The following SLC9A9 variants were observed in gnomAD, a reference collection of about 807,000 sequenced individuals.
SLC9A9 encodes the protein sodium/hydrogen exchanger 9.
A neutral mutation model predicts 77.8 loss-of-function variants in SLC9A9; 62 were observed. The observed-to-expected ratio is 0.80, with a 90% CI of 0.65 to 0.98. The LOEUF (loss-of-function observed/expected upper bound fraction) is 0.98, where lower values mean the gene tolerates loss of function less well. SLC9A9 is among the 50% of genes least tolerant of loss of function. SLC9A9 has a pLI of 0.00. For synonymous variants in SLC9A9, 320 were observed against 283.5 expected, an observed-to-expected ratio of 1.13 and a Z score of -1.29; for missense variants, 775 against 774.9, an observed-to-expected ratio of 1.00 and a Z score of 0.00.
chr3:143,292,948 ATTAC>A (rs2030079965), intron 14 of SLC9A9, among the ~76,000 whole-genome samples: 1 of 152,114 alleles, frequency 6.6e-6, no homozygotes, highest in Non-Finnish European at 1.5e-5. Flanking sequence ...AAAGACACTA[ATTAC>A]ACTAAGGCTC....
At chr3:143,389,322 C>T (rs184213444) in intron 12 of SLC9A9, among the ~76,000 whole-genome samples, 4 of 152,044 alleles carry the variant, frequency 2.6e-5, no homozygotes, top group South Asian at 2.1e-4. Flanking sequence ...ATGGTCCAAC[C>T]AAGAGTTCAT....
At chr3:143,451,810 A>T (rs2035013162) in intron 12 of SLC9A9, among the ~76,000 whole-genome samples, 1 of 152,176 alleles carries the variant, frequency 6.6e-6, no homozygotes, top group Admixed American at 6.5e-5. Flanking sequence ...AAGACATATC[A>T]GAGTAACGCA....
intron 6 of SLC9A9, among the ~76,000 whole-genome samples, chr3:143,610,457 T>C (rs2038006884): frequency 6.6e-6 from 1 of 152,226 alleles, no homozygotes. Context: ...CACATTTCTA[T>C]TCTTGAATGC....
chr3:143,381,989 C>CAAA, intron 13 of SLC9A9, 71 bp downstream of exon 13: 5 of 1,573,714 alleles, frequency 3.2e-6, no homozygotes, highest in Non-Finnish European at 4.4e-6. Context: ...ACATGCTGGA[C>CAAA]AAACATGGAA....
chr3:143,835,711 G>C (rs2009551390), intron 1 of SLC9A9, among the ~76,000 whole-genome samples: 1 of 152,218 alleles, frequency 6.6e-6, no homozygotes, highest in East Asian at 1.9e-4. Flanking sequence ...ACAGAAGAAG[G>C]AAAGAGGAGA....
rs371861084 is a variant in SLC9A9 at position 143,599,520 on chromosome 3, C to T, written c.756-20797G>A. On this transcript the variant is annotated intron_variant, in intron 6 of 15. Transcript: ENST00000316549. The stretch of plus-strand genomic sequence containing the variant: ...TGACCTACACATAATCCACAGAAGC[C>T]GTGGGGCTTTATGAGCACAACAATT... Among the ~76,000 whole-genome samples, 16 of 152,086 alleles carry T rather than the reference C, an allele frequency of 1.1e-4. No individual in the cohort carries two copies. In the East Asian group the frequency reaches 2.3e-3, roughly 22 times the overall value.
In SLC9A9 at chr3:143,653,150, C is replaced by T. The variant is rs576755150; in HGVS notation, c.650-790G>A. On this transcript the variant is annotated intron_variant, in intron 5 of 15. Transcript: ENST00000316549. ...AGTCTCATTCTGTCCTGAGATCACACTCACCCGTGAAGATGGACTCAATGA... is the reference window on the plus strand; with the variant it reads ...AGTCTCATTCTGTCCTGAGATCACATTCACCCGTGAAGATGGACTCAATGA... 7.9e-5 allele frequency among the ~76,000 whole-genome samples: 12 copies of T among 152,314 alleles called. No homozygotes were observed. The South Asian group carries it at 2.5e-3, about 32-fold the overall frequency.
intron 9 of SLC9A9, chr3:143,504,000 G>A: frequency 2.3e-6 from 1 of 441,328 alleles, no homozygotes. Flanking sequence ...CATAATCAGT[G>A]CCAGCATCGC....
chr3:143,365,076 C>T (rs898345245), intron 13 of SLC9A9, among the ~76,000 whole-genome samples: 1 of 152,142 alleles, frequency 6.6e-6, no homozygotes, highest in South Asian at 2.1e-4. Flanking sequence ...TACATATATA[C>T]CCTGGAATAA....
chr3:143,606,135 C>T (rs1327649160), intron 6 of SLC9A9, among the ~76,000 whole-genome samples: 2 of 121,662 alleles, frequency 1.6e-5, no homozygotes, highest in African/African-American at 7.6e-5. Flanking sequence ...CACGGTGGCT[C>T]AGGTCTGTAA....
At chr3:143,591,083 T>G (rs1414601141) in intron 6 of SLC9A9, among the ~76,000 whole-genome samples, 1 of 152,168 alleles carries the variant, frequency 6.6e-6, no homozygotes, top group African/African-American at 2.4e-5. Context: ...AACAGCTGCC[T>G]GAGACGGCCT....
chr3:143,671,308 GT>G (rs905672002), intron 5 of SLC9A9, among the ~76,000 whole-genome samples: 4 of 150,944 alleles, frequency 2.6e-5, no homozygotes, highest in African/African-American at 7.3e-5. Context: ...GCAAAAGTCA[GT>G]TTTTTTTTCA....
Position 143,721,301 on chromosome 3 carries a change from A to G in SLC9A9, c.534-27994T>C, listed in dbSNP as rs78278654. 8.3e-3 allele frequency among the ~76,000 whole-genome samples: 1,265 copies of G among 152,308 alleles called. 17 individuals carry two copies. Among genetic ancestry groups the G allele is most frequent in the African/African-American group, 0.029 (1,216 of 41,558 alleles). On this transcript the variant is annotated intron_variant, in intron 4 of 15. Transcript: ENST00000316549. ...CCTGACATCTCCTAACTGCAACCCC[A>G]GGCCAGGTCCTCACAGCATGTGGAA...
intron 13 of SLC9A9, among the ~76,000 whole-genome samples, chr3:143,373,543 C>G (rs758675168): frequency 4.2e-5 from 6 of 142,508 alleles, no homozygotes; most frequent in Admixed American, 1.5e-4. Flanking sequence ...TCTCAGACTT[C>G]ACCACTATAT....
chr3:143,839,310 C>T (rs1174208108), intron 1 of SLC9A9, among the ~76,000 whole-genome samples: 1 of 152,142 alleles, frequency 6.6e-6, no homozygotes, highest in Non-Finnish European at 1.5e-5. Flanking sequence ...TTAAGAGAAC[C>T]TCATTAAATT....
intron 6 of SLC9A9, among the ~76,000 whole-genome samples, chr3:143,586,311 A>C (rs2037540904): frequency 6.6e-6 from 1 of 152,218 alleles, no homozygotes; most frequent in South Asian, 2.1e-4. Flanking sequence ...TCTGGTAAAC[A>C]GGAAAAGATC....
intron 8 of SLC9A9, among the ~76,000 whole-genome samples, chr3:143,573,838 C>T (rs1406317140): frequency 6.6e-6 from 1 of 152,178 alleles, no homozygotes; most frequent in Admixed American, 6.5e-5. Context: ...CAACACGCCT[C>T]CTGTCCAGCC....
intron 9 of SLC9A9, among the ~76,000 whole-genome samples, chr3:143,546,307 T>C (rs1472986375): frequency 6.6e-6 from 1 of 152,152 alleles, no homozygotes. Context: ...CTGGGGGGAA[T>C]GGAAATAAAA....
At chr3:143,627,419 G>C (rs2038349458) in intron 6 of SLC9A9, 1 of 223,500 alleles carries the variant, frequency 4.5e-6, no homozygotes. Flanking sequence ...ATGTTCCTCA[G>C]CCACCACCCA....
Sources: allele counts gnomAD v4.1 joint callset (sites outside exome capture counted in the v4.1 genomes callset), GRCh38; gene constraint gnomAD v4.1.1; transcripts MANE v1.5; gene names NCBI Gene and HGNC (gene_info 2026-07-23, HGNC 2026-07-21).